Variants in LDLRAD4 observed in about 807,000 individuals in gnomAD.
LDLRAD4 encodes the protein low-density lipoprotein receptor class A domain-containing protein 4.
Under a neutral mutation model 17.0 loss-of-function variants are expected in LDLRAD4, and 5 were observed. The observed-to-expected ratio is 0.29, with a 90% CI of 0.15 to 0.62. The LOEUF is 0.62. LDLRAD4 is among the 20% of genes least tolerant of loss of function. The pLI, the probability that LDLRAD4 is intolerant of heterozygous loss-of-function variation, is 0.84. For missense variants in LDLRAD4, 340 were observed against 424.7 expected (o/e 0.80, Z 1.75); for synonymous variants, 168 against 171.8 (o/e 0.98, Z 0.17).
intron 3 of LDLRAD4, chr18:13,585,280 CTT>C (rs1273456735): frequency 1.1e-4 from 16 of 152,162 alleles, no homozygotes; most frequent in Non-Finnish European, 1.9e-4. Context: ...TACTGGCTCT[CTT>C]TATTCTGGCA....
chr18:13,545,422 A>G (rs956968235), intron 3 of LDLRAD4, among the ~76,000 whole-genome samples: 2 of 152,158 alleles, frequency 1.3e-5, no homozygotes, highest in African/African-American at 2.4e-5. Context: ...AAAGTGTGGG[A>G]AAACATGAAA....
At chr18:13,235,377 G>A (rs1361222848) in intron 1 of LDLRAD4, among the ~76,000 whole-genome samples, 3 of 152,152 alleles carry the variant, frequency 2.0e-5, no homozygotes, top group Non-Finnish European at 4.4e-5. Flanking sequence ...CTGTTCTTGG[G>A]ATCAGGAAAA....
chr18:13,222,758 C>A (rs559631796), intron 1 of LDLRAD4, among the ~76,000 whole-genome samples: 1 of 152,218 alleles, frequency 6.6e-6, no homozygotes, highest in Non-Finnish European at 1.5e-5. Context: ...TAGGCTGCTC[C>A]GCCTCCTCCC....
intron 2 of LDLRAD4, among the ~76,000 whole-genome samples, chr18:13,415,181 T>A (rs2088762094): frequency 1.3e-5 from 2 of 152,196 alleles, no homozygotes; most frequent in African/African-American, 4.8e-5. Context: ...CACAGGGCCC[T>A]GAGCCCCAGA....
chr18:13,295,094 G>A (rs893489992), intron 1 of LDLRAD4, among the ~76,000 whole-genome samples: 6 of 152,172 alleles, frequency 3.9e-5, no homozygotes, highest in African/African-American at 1.4e-4. Flanking sequence ...CTGAGGAATT[G>A]GACCAACAGC....
chr18:13,391,306 G>T (rs560843571), intron 2 of LDLRAD4, among the ~76,000 whole-genome samples: 2 of 152,238 alleles, frequency 1.3e-5, no homozygotes, highest in Non-Finnish European at 2.9e-5. Context: ...CTCGGGCTGT[G>T]GGGGAGGGCT....
intron 3 of LDLRAD4, among the ~76,000 whole-genome samples, chr18:13,502,953 G>C (rs941334126): frequency 2.6e-5 from 4 of 152,240 alleles, no homozygotes; most frequent in Non-Finnish European, 5.9e-5. Context: ...GGGAGGAAAG[G>C]CTTGAGAAGG....
intron 2 of LDLRAD4, among the ~76,000 whole-genome samples, chr18:13,413,901 T>G (rs1465257135): frequency 4.7e-5 from 7 of 149,346 alleles, no homozygotes; most frequent in African/African-American, 1.7e-4. Context: ...CTCCAGAAAT[T>G]AAAAAAAAAA....
intron 3 of LDLRAD4, among the ~76,000 whole-genome samples, chr18:13,482,435 A>G (rs1325011240): frequency 6.6e-6 from 1 of 152,238 alleles, no homozygotes; most frequent in Non-Finnish European, 1.5e-5. Context: ...AGCACACGGA[A>G]GCTCTGTATT....
chr18:13,308,302 C>T (rs960587949), intron 1 of LDLRAD4, among the ~76,000 whole-genome samples: 2 of 152,202 alleles, frequency 1.3e-5, no homozygotes, highest in African/African-American at 4.8e-5. Flanking sequence ...ATAACCAGTC[C>T]TCTATTGATG....
chr18:13,368,419 C>A (rs373132106), intron 1 of LDLRAD4, among the ~76,000 whole-genome samples: 1 of 152,168 alleles, frequency 6.6e-6, no homozygotes, highest in African/African-American at 2.4e-5. Flanking sequence ...TCAGGGATGC[C>A]TGCTTTCTGT....
intron 2 of LDLRAD4, among the ~76,000 whole-genome samples, chr18:13,388,827 C>T (rs145729946): frequency 1.9e-4 from 29 of 152,366 alleles, no homozygotes; most frequent in African/African-American, 6.0e-4. Flanking sequence ...CGGCCGCTTC[C>T]GTGCGCACCT....
At chr18:13,642,851 C>A (rs1031687432) in intron 4 of LDLRAD4, 3 of 698,796 alleles carry the variant, frequency 4.3e-6, no homozygotes, top group Non-Finnish European at 6.0e-6. Flanking sequence ...TCCATGTAGA[C>A]AAGAGGTCTG....
At chr18:13,261,210 C>T (rs1418950319) in intron 1 of LDLRAD4, among the ~76,000 whole-genome samples, 2 of 152,222 alleles carry the variant, frequency 1.3e-5, no homozygotes, top group Admixed American at 6.5e-5. Context: ...CAGGGAATAG[C>T]AGAACTCTGC....
At chr18:13,580,678 C>A (rs555028857) in intron 3 of LDLRAD4, among the ~76,000 whole-genome samples, 1 of 152,284 alleles carries the variant, frequency 6.6e-6, no homozygotes, top group East Asian at 1.9e-4. Flanking sequence ...GGCCAGCAGT[C>A]ACTTCCTTTC....
At chr18:13,448,191 G>A (rs1297772609) in intron 3 of LDLRAD4, among the ~76,000 whole-genome samples, 5 of 152,174 alleles carry the variant, frequency 3.3e-5, no homozygotes, top group Admixed American at 1.3e-4. Context: ...GAGAGGAGCT[G>A]GGGTGAAAAG....
At chr18:13,463,923 C>A (rs1217718255) in intron 3 of LDLRAD4, among the ~76,000 whole-genome samples, 1 of 152,160 alleles carries the variant, frequency 6.6e-6, no homozygotes, top group Non-Finnish European at 1.5e-5. Flanking sequence ...AAATTTCTGC[C>A]TCTTATATGT....
chr18:13,525,388 A>G (rs908356016), intron 3 of LDLRAD4, among the ~76,000 whole-genome samples: 1 of 152,164 alleles, frequency 6.6e-6, no homozygotes, highest in Non-Finnish European at 1.5e-5. Flanking sequence ...TAAACACGCT[A>G]AAGTCAACCT....
At chr18:13,648,858 C>A (rs975109239) in exon 6 of LDLRAD4, 1 of 152,174 alleles carries the variant, frequency 6.6e-6, no homozygotes, top group African/African-American at 2.4e-5. Flanking sequence ...CACAATCTTC[C>A]AGCATACGTT....
Sources: gnomAD v4.1 joint callset for allele counts (sites outside exome capture counted in the v4.1 genomes callset) on GRCh38, gnomAD v4.1.1 for gene constraint, MANE v1.5 for transcripts, NCBI Gene and HGNC (gene_info 2026-07-23, HGNC 2026-07-21) for gene names.